CTNNA3: variants seen among roughly 807,000 people sequenced by gnomAD.
CTNNA3 encodes catenin alpha 3, also known as catenin alpha-3.
A neutral mutation model predicts 95.7 loss-of-function variants in CTNNA3; 76 were observed. The ratio of observed to expected loss-of-function variants is 0.79; its 90% CI spans 0.66 to 0.96. The LOEUF is 0.96. Ranked by LOEUF, CTNNA3 falls within the 40% of genes least tolerant of loss-of-function variation. The pLI, the probability that CTNNA3 is intolerant of heterozygous loss-of-function variation, is 0.00. For synonymous variants in CTNNA3, 431 were observed against 374.4 expected, an observed-to-expected ratio of 1.15 and a Z score of -1.74; for missense variants, 1,191 against 1,089.8, an observed-to-expected ratio of 1.09 and a Z score of -1.31.
chr10:66,687,800 T>C (rs1363957183), intron 9 of CTNNA3, among the ~76,000 whole-genome samples: 1 of 151,988 alleles, frequency 6.6e-6, no homozygotes, highest in Non-Finnish European at 1.5e-5. Context: ...AAGATGGTGA[T>C]TATCTTCTAG....
At chr10:67,522,765 G>C (rs967634561) in intron 4 of CTNNA3, among the ~76,000 whole-genome samples, 3 of 151,914 alleles carry the variant, frequency 2.0e-5, no homozygotes, top group African/African-American at 7.3e-5. Flanking sequence ...AAGCTCACAA[G>C]AAATTGGATT....
chr10:66,121,477 C>CACAT (rs1444521139), intron 13 of CTNNA3, among the ~76,000 whole-genome samples: 2 of 152,122 alleles, frequency 1.3e-5, no homozygotes, highest in African/African-American at 4.8e-5. Flanking sequence ...TACACACACA[C>CACAT]ACACACTATC....
chr10:66,866,171 A>G (rs9414947), intron 7 of CTNNA3, among the ~76,000 whole-genome samples: 29,580 of 152,132 alleles, frequency 0.19, 3,245 homozygotes, highest in East Asian at 0.33. Context: ...CATAGTCACA[A>G]AGCTAGTTAA....
At chr10:66,266,388 T>A (rs2091159872) in intron 13 of CTNNA3, among the ~76,000 whole-genome samples, 1 of 151,992 alleles carries the variant, frequency 6.6e-6, no homozygotes, top group South Asian at 2.1e-4. Flanking sequence ...ATTGATGTGG[T>A]TCTTTTGAAG....
At chr10:67,365,646 C>A (rs1843183643) in intron 5 of CTNNA3, among the ~76,000 whole-genome samples, 1 of 152,214 alleles carries the variant, frequency 6.6e-6, no homozygotes, top group African/African-American at 2.4e-5. Context: ...CACTGGTCAT[C>A]AGAGAAATGC....
intron 5 of CTNNA3, among the ~76,000 whole-genome samples, chr10:67,333,050 G>A (rs189945149): frequency 7.2e-5 from 11 of 152,298 alleles, no homozygotes; most frequent in Admixed American, 5.2e-4. Context: ...AGATCAGAAA[G>A]AATAGTCTAC....
intron 13 of CTNNA3, among the ~76,000 whole-genome samples, chr10:66,199,981 G>C (rs1278363193): frequency 6.7e-6 from 1 of 149,540 alleles, no homozygotes; most frequent in Non-Finnish European, 1.5e-5. Context: ...AAATTCCTAT[G>C]GGCATCAAAT....
chr10:67,166,996 A>G (rs1286035722), intron 7 of CTNNA3, among the ~76,000 whole-genome samples: 1 of 152,018 alleles, frequency 6.6e-6, no homozygotes, highest in African/African-American at 2.4e-5. Context: ...AGTCCCAGCT[A>G]CTCAGGAGGC....
intron 9 of CTNNA3, among the ~76,000 whole-genome samples, chr10:66,714,055 A>G (rs1383556882): frequency 6.6e-6 from 1 of 152,190 alleles, no homozygotes; most frequent in African/African-American, 2.4e-5. Flanking sequence ...TAAGAGAGTA[A>G]TTAAGTTAAA....
chr10:67,262,054 A>G (rs983602522), intron 5 of CTNNA3, among the ~76,000 whole-genome samples: 1 of 152,182 alleles, frequency 6.6e-6, no homozygotes, highest in South Asian at 2.1e-4. Flanking sequence ...ATATTGTACA[A>G]TAATATTAAA....
At chr10:66,840,372 TCACACACACACACA>T (rs138947952) in intron 7 of CTNNA3, among the ~76,000 whole-genome samples, 15 of 71,374 alleles carry the variant, frequency 2.1e-4, no homozygotes, top group East Asian at 4.3e-4. Context: ...TCTCTCTCTC[TCACACACACACACA>T]CACACACACA....
intron 3 of CTNNA3, among the ~76,000 whole-genome samples, chr10:67,602,859 A>G (rs1843130257): frequency 6.6e-6 from 1 of 152,218 alleles, no homozygotes; most frequent in African/African-American, 2.4e-5. Flanking sequence ...CAGAGAAACT[A>G]TAATTATGAG....
At chr10:67,422,976 T>C (rs1216197423) in intron 5 of CTNNA3, among the ~76,000 whole-genome samples, 2 of 152,196 alleles carry the variant, frequency 1.3e-5, no homozygotes, top group African/African-American at 4.8e-5. Flanking sequence ...ATCTTTTAAA[T>C]AGAGGTGATT....
intron 9 of CTNNA3, among the ~76,000 whole-genome samples, chr10:66,624,422 T>G (rs937791718): frequency 1.3e-5 from 2 of 152,076 alleles, no homozygotes; most frequent in Non-Finnish European, 2.9e-5. Context: ...AAAAAGAAAT[T>G]TCATACTCTC....
chr10:67,467,462 T>A (rs1235385657), intron 5 of CTNNA3, among the ~76,000 whole-genome samples: 2 of 148,936 alleles, frequency 1.3e-5, no homozygotes, highest in East Asian at 4.5e-4. Context: ...CATTCAAATA[T>A]TGCTTTTTTT....
chr10:67,704,749 AT>A (rs1841067209), intron 1 of CTNNA3, among the ~76,000 whole-genome samples: 1 of 152,132 alleles, frequency 6.6e-6, no homozygotes, highest in African/African-American at 2.4e-5. Context: ...ACCAAAAGCA[AT>A]GGCAACAAAA....
At chr10:66,967,691 T>A (rs1028025281) in intron 7 of CTNNA3, among the ~76,000 whole-genome samples, 9 of 152,042 alleles carry the variant, frequency 5.9e-5, no homozygotes. Context: ...AAAATGAACG[T>A]TCTAAAAATG....
intron 15 of CTNNA3, among the ~76,000 whole-genome samples, chr10:66,020,890 G>T (rs1589257505): frequency 6.6e-6 from 1 of 152,026 alleles, no homozygotes; most frequent in African/African-American, 2.4e-5. Flanking sequence ...AGCCAGGATG[G>T]TCTCGATCTC....
At chr10:67,685,730 G>T (rs946910326) in intron 1 of CTNNA3, among the ~76,000 whole-genome samples, 1 of 152,124 alleles carries the variant, frequency 6.6e-6, no homozygotes, top group Non-Finnish European at 1.5e-5. Flanking sequence ...AAGGAATAGG[G>T]TACACTGTTT....
Sources: allele counts gnomAD v4.1 joint callset (sites outside exome capture counted in the v4.1 genomes callset), GRCh38; gene constraint gnomAD v4.1.1; transcripts MANE v1.5; gene names NCBI Gene and HGNC (gene_info 2026-07-23, HGNC 2026-07-21).